The following EML5 variants were observed in gnomAD, a reference collection of about 807,000 sequenced individuals.
EML5 encodes the protein echinoderm microtubule-associated protein-like 5.
Under a neutral mutation model 250.0 loss-of-function variants are expected in EML5, and 120 were observed. The ratio of observed to expected loss-of-function variants is 0.48; its 90% confidence interval spans 0.41 to 0.56. The LOEUF is 0.56. Among genes scored for constraint, EML5 ranks in the 20% least tolerant of loss-of-function variants. EML5 has a pLI of 0.00. For synonymous variants in EML5, 771 were observed against 806.5 expected (o/e 0.96, Z 0.75); for missense variants, 2,006 against 2,437.6 (o/e 0.82, Z 3.73).
intron 34 of EML5, 78 bp from the exon 35 acceptor site, chr14:88,627,124 A>G (rs2090033725): frequency 6.9e-7 from 1 of 1,458,824 alleles, no homozygotes; most frequent in African/African-American, 1.4e-5. Context: ...TATGTAAAAT[A>G]CATAGTTCAA....
intron 8 of EML5, among the ~76,000 whole-genome samples, chr14:88,717,297 C>T (rs116020560): frequency 0.013 from 1,910 of 152,258 alleles, 44 homozygotes; most frequent in African/African-American, 0.044. Context: ...GTGACGGCCA[C>T]TGTAGTTGAA....
intron 10 of EML5, among the ~76,000 whole-genome samples, chr14:88,709,233 A>G (rs920009498): frequency 5.9e-5 from 9 of 152,068 alleles, no homozygotes; most frequent in African/African-American, 2.2e-4. Context: ...CACTACCTAT[A>G]AGAAAAGAAA....
chr14:88,627,377 AATAC>A (rs1448175817), intron 34 of EML5: 1 of 476,080 alleles, frequency 2.1e-6, no homozygotes. Context: ...ATTAATAATA[AATAC>A]ATAGTTTCTT....
intron 28 of EML5, 85 bp downstream of exon 28, chr14:88,649,827 A>T (rs767129137): frequency 9.0e-7 from 1 of 1,107,824 alleles, no homozygotes; most frequent in East Asian, 2.7e-5. Context: ...AATGTTTTAT[A>T]GGGAAAAAAT....
chr14:88,789,471 T>C (rs1291031046), intron 1 of EML5, among the ~76,000 whole-genome samples: 4 of 152,016 alleles, frequency 2.6e-5, no homozygotes, highest in Non-Finnish European at 5.9e-5. Context: ...TGAAATGTCA[T>C]GTGGCACCAC....
intron 1 of EML5, among the ~76,000 whole-genome samples, chr14:88,763,521 C>T (rs1418577692): frequency 1.3e-5 from 2 of 152,038 alleles, no homozygotes; most frequent in African/African-American, 4.8e-5. Flanking sequence ...TAATAGCCTA[C>T]CAACCAAAAA....
chr14:88,646,368 T>A (rs1235685501), intron 29 of EML5, among the ~76,000 whole-genome samples: 2 of 152,178 alleles, frequency 1.3e-5, no homozygotes, highest in African/African-American at 4.8e-5. Flanking sequence ...ATATAAACAA[T>A]GTTTTCAAAC....
At chr14:88,761,223 T>C (rs969343749) in intron 1 of EML5, among the ~76,000 whole-genome samples, 1 of 152,158 alleles carries the variant, frequency 6.6e-6, no homozygotes, top group Non-Finnish European at 1.5e-5. Context: ...TTATTATTCT[T>C]TAAGTTCTGA....
At chr14:88,699,253 G>A (rs928345658) in intron 14 of EML5, among the ~76,000 whole-genome samples, 2 of 152,034 alleles carry the variant, frequency 1.3e-5, no homozygotes, top group African/African-American at 4.8e-5. Flanking sequence ...ATGTGAAATA[G>A]CATTATACGT....
At chr14:88,656,398 A>T (rs900175437) in intron 27 of EML5, among the ~76,000 whole-genome samples, 1 of 152,196 alleles carries the variant, frequency 6.6e-6, no homozygotes, top group Non-Finnish European at 1.5e-5. Context: ...GTTCTCACTC[A>T]TAAGTGGGAG....
intron 12 of EML5, 115 bp from the exon 13 acceptor site, chr14:88,705,093 C>A: frequency 1.5e-6 from 1 of 675,404 alleles, no homozygotes; most frequent in Non-Finnish European, 2.4e-6. Context: ...TAATAGTAGT[C>A]TTAAATGAAA....
chr14:88,657,519 C>T lies in EML5; in HGVS notation c.3878-17G>A, dbSNP rs371530099. On this transcript the variant is annotated splice_polypyrimidine_tract_variant and intron_variant, in intron 26 of 43. Coordinates refer to ENST00000554922, the MANE Select transcript of EML5 (RefSeq NM_183387.3). ...TGTCATAGCCTACAATAAAAATATA[C>T]GAGTAATTCTTTAAGCAATAACTGA... 2.8e-5 allele frequency: 44 copies of T among 1,572,918 alleles called. No homozygotes were observed. The highest frequency in any genetic ancestry group is 1.7e-4 in the Middle Eastern group (1 of 5,922).
At chr14:88,693,165 A>C (rs2092998330) in intron 17 of EML5, among the ~76,000 whole-genome samples, 1 of 152,212 alleles carries the variant, frequency 6.6e-6, no homozygotes, top group South Asian at 2.1e-4. Context: ...TAACAGAAGA[A>C]AAAGTCTGGA....
intron 23 of EML5, among the ~76,000 whole-genome samples, 183 bp from the exon 24 acceptor site, chr14:88,663,302 T>C (rs932892617): frequency 2.0e-5 from 3 of 152,156 alleles, no homozygotes; most frequent in Non-Finnish European, 4.4e-5. Context: ...GTAACTAAAT[T>C]CATAAGTGGT....
chr14:88,660,953 G>A (rs75974467), intron 25 of EML5, among the ~76,000 whole-genome samples: 1 of 152,074 alleles, frequency 6.6e-6, no homozygotes, highest in African/African-American at 2.4e-5. Flanking sequence ...TTTTATAAGT[G>A]TAAGTATTTT....
chr14:88,753,743 T>C (rs1366557389), intron 2 of EML5, among the ~76,000 whole-genome samples: 1 of 152,230 alleles, frequency 6.6e-6, no homozygotes. Flanking sequence ...ATATCCTTTG[T>C]TGTGAACTTT....
intron 19 of EML5, 50 bp downstream of exon 19, chr14:88,687,166 G>A: frequency 7.5e-7 from 1 of 1,340,934 alleles, no homozygotes; most frequent in East Asian, 2.4e-5. Context: ...ACATTAATGA[G>A]CAATTAATCT....
intron 10 of EML5, among the ~76,000 whole-genome samples, chr14:88,708,849 T>G (rs1418023181): frequency 6.6e-6 from 1 of 152,106 alleles, no homozygotes; most frequent in African/African-American, 2.4e-5. Flanking sequence ...GTAATAAGAA[T>G]AGTTAAGGCC....
Position 88,715,085 on chromosome 14 carries a change from T to C in EML5, c.1298A>G (p.Asp433Gly). The C allele has an allele frequency of 6.2e-7, 1 of 1,613,804 alleles. No homozygotes were observed. Among genetic ancestry groups the C allele is most frequent in the South Asian group, 1.1e-5 (1 of 91,056 alleles). ...ATAACGCTGAGCAACTCCATAAATATCAACCGAGCTGTCATTGCATCCAAC... is the reference window on the plus strand; with the variant it reads ...ATAACGCTGAGCAACTCCATAAATACCAACCGAGCTGTCATTGCATCCAAC... ...LAVGCNDSSVDIYGVAQRYKK... is the reference protein window; with the variant it reads ...LAVGCNDSSVGIYGVAQRYKK... Residue 433 changes from aspartate to glycine, a missense_variant, in exon 9 of 44, where the codon GAT becomes GGT. By Grantham distance (94) the Asp-to-Gly change is moderately conservative. This residue lies in a region of EML5 where 1,375 missense variants were observed against 1,590.3 expected (regional missense o/e 0.86). Coordinates refer to ENST00000554922, the MANE Select transcript of EML5 (RefSeq NM_183387.3).
Sources: gnomAD v4.1 joint callset for allele counts (sites outside exome capture counted in the v4.1 genomes callset) on GRCh38, gnomAD v4.1.1 for gene constraint, gnomAD v4.1.1 regional missense constraint, MANE v1.5 for transcripts, NCBI Gene and HGNC (gene_info 2026-07-23, HGNC 2026-07-21) for gene names.